The following CRISPLD2 variants were observed in gnomAD, a reference collection of about 807,000 sequenced individuals.
The protein encoded by CRISPLD2 is cysteine rich secretory protein LCCL domain containing 2.
In CRISPLD2, 47 loss-of-function variants were observed where a neutral mutation model predicts 71.1. The observed-to-expected ratio is 0.66, with a 90% confidence interval of 0.52 to 0.84. CRISPLD2 has a LOEUF of 0.84. CRISPLD2 is among the 40% of genes least tolerant of loss of function. The probability of loss-of-function intolerance (pLI) is 0.00; values close to 1 mark genes in which losing one functional copy is unlikely to be tolerated. For missense variants in CRISPLD2, 830 were observed against 651.1 expected, an observed-to-expected ratio of 1.27 and a Z score of -2.99; for synonymous variants, 317 against 250.1, an observed-to-expected ratio of 1.27 and a Z score of -2.52.
Position 84,821,949 on chromosome 16 carries a change from G to A in CRISPLD2, c.-75+1816G>A, listed in dbSNP as rs564490260. Among the ~76,000 whole-genome samples the A allele has an allele frequency of 9.2e-5, 14 of 152,362 alleles. 1 individual carries two copies. In the South Asian group the frequency reaches 2.7e-3, roughly 29 times the overall value. On this transcript the variant is annotated intron_variant, in intron 1 of 14. Transcript: ENST00000262424. ...GTGCCCAACATGACACAGCCAGGGC[G>A]GGGTAGAGCTGCCGTCCAGGCTGGG... is the stretch of plus-strand genomic sequence containing the variant.
At chr16:84,846,225 T>G in intron 3 of CRISPLD2, 1 of 204,332 alleles carries the variant, frequency 4.9e-6, no homozygotes, top group Non-Finnish European at 9.8e-6. Context: ...CTCCTTCCCT[T>G]CCCTCCCTTC....
In CRISPLD2 at chr16:84,906,653, C is replaced by G. The variant is rs1274008197; in HGVS notation, c.*11C>G. On this transcript the variant is annotated 3_prime_UTR_variant, in exon 15 of 15. Transcript: ENST00000262424. ...GCTGTCAGGCAGTGAATTTCCAGCACCAGGGGAGAAGGGGCGTCTTCAGGA... is the reference window on the plus strand; with the variant it reads ...GCTGTCAGGCAGTGAATTTCCAGCAGCAGGGGAGAAGGGGCGTCTTCAGGA... 1.2e-6 allele frequency: 2 copies of G among 1,614,088 alleles called. No individual in the cohort carries two copies. The highest frequency in any genetic ancestry group is 2.2e-5 in the East Asian group (1 of 44,882).
chr16:84,827,936 C>A (rs1361209849), intron 1 of CRISPLD2, among the ~76,000 whole-genome samples: 1 of 152,192 alleles, frequency 6.6e-6, no homozygotes, highest in Non-Finnish European at 1.5e-5. Flanking sequence ...TTCTGCCCCC[C>A]TCCTCTGTTC....
At chr16:84,880,667 A>C (rs1337488326) in intron 13 of CRISPLD2, 83 bp downstream of exon 13, 1 of 981,290 alleles carries the variant, frequency 1.0e-6, no homozygotes, top group Non-Finnish European at 1.6e-6. Flanking sequence ...TGGATACTTG[A>C]AACTTTATTC....
chr16:84,884,900 C>G (rs1173747894), intron 13 of CRISPLD2, among the ~76,000 whole-genome samples: 1 of 152,204 alleles, frequency 6.6e-6, no homozygotes, highest in Non-Finnish European at 1.5e-5. Flanking sequence ...CCCGCCAGGG[C>G]TTTTAGAGGT....
At chr16:84,869,602 C>A (rs556755026) in intron 8 of CRISPLD2, among the ~76,000 whole-genome samples, 2 of 152,180 alleles carry the variant, frequency 1.3e-5, no homozygotes, top group Non-Finnish European at 2.9e-5. Flanking sequence ...GTGGTACTGT[C>A]GTTTGTTGGT....
At chr16:84,850,503 C>T (rs969286559) in intron 4 of CRISPLD2, 65 bp from the exon 5 acceptor site, 31 of 1,378,986 alleles carry the variant, frequency 2.2e-5, no homozygotes, top group Middle Eastern at 3.5e-4. Context: ...TACATCCAGG[C>T]CAAATGATAT....
At chr16:84,871,788 G>A (rs113065201) in intron 8 of CRISPLD2, among the ~76,000 whole-genome samples, 1,538 of 147,980 alleles carry the variant, frequency 0.01, 33 homozygotes, top group African/African-American at 0.037. Context: ...CTGACCTCAG[G>A]TGATCCACCT....
intron 14 of CRISPLD2, among the ~76,000 whole-genome samples, chr16:84,896,470 T>C (rs545938045): frequency 1.3e-5 from 2 of 152,340 alleles, no homozygotes; most frequent in East Asian, 3.9e-4. Flanking sequence ...TTTTCAACTT[T>C]ATAATGGTGT....
At chr16:84,878,150 G>A (rs188597460) in intron 12 of CRISPLD2, among the ~76,000 whole-genome samples, 48 of 152,214 alleles carry the variant, frequency 3.2e-4, no homozygotes, top group African/African-American at 1.1e-3. Context: ...CGTGAACCCA[G>A]GAGGTGGAGC....
intron 9 of CRISPLD2, 106 bp downstream of exon 9, chr16:84,872,614 A>T: frequency 1.0e-6 from 1 of 995,444 alleles, no homozygotes; most frequent in African/African-American, 1.6e-5. Flanking sequence ...TCCACTCCTT[A>T]GTCAAACCTG....
intron 11 of CRISPLD2, 111 bp downstream of exon 11, chr16:84,874,074 T>C (rs1329623328): frequency 2.1e-6 from 2 of 939,586 alleles, no homozygotes; most frequent in Non-Finnish European, 3.3e-6. Flanking sequence ...GTGTGAACAT[T>C]ATGGTTCTCA....
At chr16:84,847,325 G>GT (rs1567685424) in intron 3 of CRISPLD2, among the ~76,000 whole-genome samples, 1 of 152,278 alleles carries the variant, frequency 6.6e-6, no homozygotes, top group Admixed American at 6.5e-5. Context: ...CCACACCATG[G>GT]TTTTTTCTTT....
chr16:84,849,695 C>G (rs772595830), intron 4 of CRISPLD2, among the ~76,000 whole-genome samples, 178 bp downstream of exon 4: 1 of 149,594 alleles, frequency 6.7e-6, no homozygotes, highest in African/African-American at 2.5e-5. Flanking sequence ...CCAGCAAGGT[C>G]AGAAACTGAG....
intron 14 of CRISPLD2, among the ~76,000 whole-genome samples, chr16:84,892,030 C>T (rs561252235): frequency 5.9e-5 from 9 of 152,352 alleles, no homozygotes; most frequent in Non-Finnish European, 1.0e-4. Flanking sequence ...AGACTCTCTG[C>T]TCCTCCGTCC....
At chr16:84,884,906 G>C (rs1419875908) in intron 13 of CRISPLD2, among the ~76,000 whole-genome samples, 1 of 152,218 alleles carries the variant, frequency 6.6e-6, no homozygotes, top group Non-Finnish European at 1.5e-5. Context: ...AGGGCTTTTA[G>C]AGGTTGAGTT....
chr16:84,838,008 C>A (rs907706251), intron 1 of CRISPLD2, among the ~76,000 whole-genome samples: 3 of 152,298 alleles, frequency 2.0e-5, no homozygotes, highest in East Asian at 3.9e-4. Flanking sequence ...TTGCTCTCAA[C>A]GTTGGTCCAC....
chr16:84,836,030 C>G (rs1464539859), intron 1 of CRISPLD2: 2 of 152,188 alleles, frequency 1.3e-5, no homozygotes. Context: ...GTGGAAAATT[C>G]CACACCTGAC....
intron 12 of CRISPLD2, among the ~76,000 whole-genome samples, chr16:84,878,007 G>A (rs1051718312): frequency 2.4e-4 from 36 of 148,758 alleles, no homozygotes; most frequent in Middle Eastern, 3.6e-3. Context: ...TCAGGAGATC[G>A]AGACCATCCT....
Sources: gnomAD v4.1 joint callset for allele counts (sites outside exome capture counted in the v4.1 genomes callset) on GRCh38, gnomAD v4.1.1 for gene constraint, MANE v1.5 for transcripts, NCBI Gene and HGNC (gene_info 2026-07-23, HGNC 2026-07-21) for gene names.